The following CHD6 variants were observed in gnomAD, a reference collection of about 807,000 sequenced individuals.
The protein encoded by CHD6 is ATP-dependent chromatin remodeler CHD6.
Under a neutral mutation model 276.9 loss-of-function variants are expected in CHD6, and 50 were observed. The ratio of observed to expected loss-of-function variants is 0.18; its 90% CI spans 0.14 to 0.23. CHD6 has a LOEUF of 0.23. Ranked by LOEUF, CHD6 falls within the 10% of genes least tolerant of loss-of-function variation. The pLI is 1.00. For synonymous variants in CHD6, 1,173 were observed against 1,229.3 expected (o/e 0.95, Z 0.96); for missense variants, 2,564 against 3,365.8 (o/e 0.76, Z 5.89).
intron 1 of CHD6, among the ~76,000 whole-genome samples, chr20:41,575,332 G>C (rs1460303570): frequency 6.6e-6 from 1 of 151,982 alleles, no homozygotes; most frequent in Non-Finnish European, 1.5e-5. Flanking sequence ...TCAATTCTTT[G>C]TTCAAAACAC....
rs532428534 is a variant in CHD6 at position 41,555,928 on chromosome 20, C to G, written c.-23-4568G>C. Among the ~76,000 whole-genome samples, 316 of 152,274 alleles carry G rather than the reference C, an allele frequency of 2.1e-3. 3 individuals are homozygous for G. The highest frequency in any genetic ancestry group is 0.015 in the South Asian group (74 of 4,816). Reference sequence around the variant, plus strand: ...CTGGGTGGTGGAGGTTGTAGCGAGCCGAGATCACGCCACTGCACTCCAGCC... The same window carrying G: ...CTGGGTGGTGGAGGTTGTAGCGAGCGGAGATCACGCCACTGCACTCCAGCC... On this transcript the variant is annotated intron_variant, in intron 1 of 36. Coordinates refer to ENST00000373233, the MANE Select transcript of CHD6 (RefSeq NM_032221.5).
chr20:41,476,566 T>C (rs928562136), intron 16 of CHD6, among the ~76,000 whole-genome samples: 1 of 152,150 alleles, frequency 6.6e-6, no homozygotes, highest in Admixed American at 6.5e-5. Context: ...GTTACAAGCA[T>C]ATAAAATACT....
intron 36 of CHD6, 126 bp downstream of exon 36, chr20:41,412,018 C>G: frequency 7.3e-7 from 1 of 1,376,094 alleles, no homozygotes; most frequent in East Asian, 2.3e-5. Context: ...GTGCTGGCTT[C>G]TAGTCCTCTT....
chr20:41,499,318 G>T lies in CHD6; in HGVS notation c.892C>A (p.Leu298Met). 1 of 1,607,750 alleles carries T rather than the reference G, an allele frequency of 6.2e-7. No homozygotes were observed. The change falls in exon 6 of 37, where the codon CTG becomes ATG. Residue 298 changes from leucine to methionine, a missense_variant. By Grantham distance (15) the Leu-to-Met change is conservative. Around this residue, in one of 7 missense-constraint regions of CHD6, gnomAD observed 457 missense variants for 889.0 expected, o/e 0.51. Transcript: ENST00000373233. ...EDDANIIEKI[L>M]ASKTVQEVHP... The stretch of plus-strand genomic sequence containing the variant: ...ACCTCCTGGACAGTCTTAGATGCCA[G>T]GATCTTCTCAATGATGTTTGCATCA...
intron 4 of CHD6, 55 bp downstream of exon 4, chr20:41,514,750 C>T: frequency 2.5e-6 from 4 of 1,590,706 alleles, no homozygotes; most frequent in Non-Finnish European, 3.4e-6. Context: ...TCAGTGTCAG[C>T]CAGATCCCAT....
chr20:41,444,854 C>A (rs2048015587), intron 25 of CHD6, among the ~76,000 whole-genome samples: 1 of 151,970 alleles, frequency 6.6e-6, no homozygotes. Context: ...TTATGACTTG[C>A]CCAATGTCAC....
At chr20:41,531,831 G>T (rs1568681065) in intron 3 of CHD6, among the ~76,000 whole-genome samples, 1 of 152,162 alleles carries the variant, frequency 6.6e-6, no homozygotes, top group Non-Finnish European at 1.5e-5. Flanking sequence ...CACTTAAAAT[G>T]CATTCTTAAA....
At chr20:41,445,279 A>G (rs1476604742) in intron 25 of CHD6, among the ~76,000 whole-genome samples, 1 of 152,228 alleles carries the variant, frequency 6.6e-6, no homozygotes, top group Non-Finnish European at 1.5e-5. Context: ...ATAATTCTGC[A>G]TATATAAGAA....
chr20:41,467,122 T>C (rs1165052206), intron 17 of CHD6, among the ~76,000 whole-genome samples: 1 of 150,550 alleles, frequency 6.6e-6, no homozygotes. Flanking sequence ...AATAAACCCC[T>C]GTTTGGGAGA....
At chr20:41,556,032 T>A (rs2045229910) in intron 1 of CHD6, among the ~76,000 whole-genome samples, 1 of 150,938 alleles carries the variant, frequency 6.6e-6, no homozygotes, top group Admixed American at 6.6e-5. Context: ...GGCGGATCAC[T>A]CGCGGTTAGG....
chr20:41,562,476 A>C (rs1365681163), intron 1 of CHD6, among the ~76,000 whole-genome samples: 2 of 148,734 alleles, frequency 1.3e-5, no homozygotes, highest in Admixed American at 1.3e-4. Context: ...CAGAGCACCA[A>C]AATATACTGA....
At chr20:41,413,556 T>G in intron 34 of CHD6, 41 bp from the exon 35 acceptor site, 4 of 1,402,410 alleles carry the variant, frequency 2.9e-6, no homozygotes, top group Non-Finnish European at 2.9e-6. Context: ...CACGACACAA[T>G]GAAAATTAGT....
At chr20:41,576,736 C>G (rs2045478515) in intron 1 of CHD6, among the ~76,000 whole-genome samples, 1 of 152,186 alleles carries the variant, frequency 6.6e-6, no homozygotes, top group Non-Finnish European at 1.5e-5. Context: ...ACACCTCAGT[C>G]AGCACCAGAC....
intron 1 of CHD6, among the ~76,000 whole-genome samples, chr20:41,604,724 C>T (rs946974133): frequency 2.6e-5 from 4 of 152,172 alleles, no homozygotes; most frequent in African/African-American, 9.7e-5. Flanking sequence ...AAGACCAATT[C>T]CCCACCTGTG....
intron 8 of CHD6, among the ~76,000 whole-genome samples, chr20:41,494,541 T>G (rs1352577263): frequency 2.0e-5 from 3 of 152,196 alleles, no homozygotes; most frequent in Non-Finnish European, 4.4e-5. Flanking sequence ...TCATTTAAGC[T>G]CCAAAACTAC....
rs561956479 is a variant in CHD6 at position 41,583,898 on chromosome 20, T to C, written c.-23-32538A>G. On this transcript the variant is annotated intron_variant, in intron 1 of 36. Transcript: ENST00000373233. ...AAAGGTATAACTAATACATCAATAA[T>C]AGAGATAAAATTGAATTTTAAAAAA... 2.6e-4 allele frequency among the ~76,000 whole-genome samples: 40 copies of C among 151,950 alleles called. 1 individual carries two copies. The highest frequency in any genetic ancestry group is 3.4e-3 in the Middle Eastern group (1 of 292).
In CHD6 at chr20:41,437,303, C is replaced by T; in HGVS notation, c.4039G>A (p.Asp1347Asn). 4.3e-6 allele frequency: 7 copies of T among 1,613,662 alleles called. No individual in the cohort carries two copies. Among genetic ancestry groups the T allele is most frequent in the Non-Finnish European group, 5.9e-6 (7 of 1,179,744 alleles). Residue 1347 changes from aspartate to asparagine, a missense_variant, in exon 27 of 37, where the codon GAC (aspartate) becomes AAC (asparagine). Transcript: ENST00000373233. Reference protein sequence around the residue: ...GNTDKEDNAEDKVDGLQKQTE... With the variant: ...GNTDKEDNAENKVDGLQKQTE... ...TGTTTCTGGAGGCCATCTACTTTGT[C>T]CTCAGCATTGTCTTCTTTATCTGTG...
intron 1 of CHD6, among the ~76,000 whole-genome samples, chr20:41,613,013 T>C (rs892847638): frequency 1.3e-5 from 2 of 152,194 alleles, no homozygotes; most frequent in African/African-American, 2.4e-5. Flanking sequence ...GCTTGACTTA[T>C]TAAGTAAATA....
At chr20:41,516,074 T>C (rs907234660) in intron 3 of CHD6, among the ~76,000 whole-genome samples, 1 of 152,210 alleles carries the variant, frequency 6.6e-6, no homozygotes, top group Admixed American at 6.5e-5. Context: ...TGATTGCAGC[T>C]AATACTTTAT....
Sources: gnomAD v4.1 joint callset for allele counts (sites outside exome capture counted in the v4.1 genomes callset) on GRCh38, gnomAD v4.1.1 for gene constraint, gnomAD v4.1.1 regional missense constraint, MANE v1.5 for transcripts, NCBI Gene and HGNC (gene_info 2026-07-23, HGNC 2026-07-21) for gene names.